Variants in SLC44A5 observed in about 807,000 individuals in gnomAD.
The protein encoded by SLC44A5 is solute carrier family 44 member 5.
In SLC44A5, 57 loss-of-function variants were observed where a neutral mutation model predicts 101.8. The ratio of observed to expected loss-of-function variants is 0.56; its 90% CI spans 0.45 to 0.70. The LOEUF is 0.70. SLC44A5 is among the 30% of genes least tolerant of loss of function. SLC44A5 has a pLI of 0.00. For missense variants in SLC44A5, 737 were observed against 853.1 expected (o/e 0.86, Z 1.70); for synonymous variants, 281 against 290.9 (o/e 0.97, Z 0.35).
chr1:75,450,307 A>G (rs1376496306), intron 2 of SLC44A5, among the ~76,000 whole-genome samples: 3 of 152,144 alleles, frequency 2.0e-5, no homozygotes, highest in African/African-American at 4.8e-5. Flanking sequence ...AGGCTTCCTG[A>G]TACTGTGAGG....
chr1:75,488,013 C>A (rs1161565596), intron 2 of SLC44A5, among the ~76,000 whole-genome samples: 1 of 151,768 alleles, frequency 6.6e-6, no homozygotes, highest in Non-Finnish European at 1.5e-5. Context: ...ACTGCACATG[C>A]AGGGGATCTA....
chr1:75,657,730 T>G, the SLC44A5 span, among the ~76,000 whole-genome samples: 2 of 152,036 alleles, frequency 1.3e-5, no homozygotes, highest in Admixed American at 6.6e-5. Flanking sequence ...ATATAAAAAT[T>G]ATAAATATAT....
intron 17 of SLC44A5, 85 bp downstream of exon 17, chr1:75,218,405 C>A: frequency 6.6e-7 from 1 of 1,506,122 alleles, no homozygotes; most frequent in South Asian, 1.2e-5. Flanking sequence ...TGTACCTTGC[C>A]ACTTGAATTA....
chr1:75,383,989 T>C (rs1308189881), intron 3 of SLC44A5, among the ~76,000 whole-genome samples: 2 of 151,750 alleles, frequency 1.3e-5, no homozygotes, highest in East Asian at 3.9e-4. Flanking sequence ...TAAAATACTT[T>C]ACAGACAAGC....
At chr1:75,330,124 C>CAT (rs1656913100) in intron 4 of SLC44A5, among the ~76,000 whole-genome samples, 1 of 146,276 alleles carries the variant, frequency 6.8e-6, no homozygotes, top group African/African-American at 2.6e-5. Flanking sequence ...CACACACACA[C>CAT]ACACACACAC....
intron 4 of SLC44A5, 136 bp downstream of exon 4, chr1:75,339,446 A>G: frequency 1.5e-6 from 1 of 663,546 alleles, no homozygotes; most frequent in Non-Finnish European, 2.6e-6. Context: ...ATAAGGTGAC[A>G]TTTAGGCAGA....
chr1:75,412,486 T>C (rs1254956007), intron 2 of SLC44A5, among the ~76,000 whole-genome samples: 3 of 152,166 alleles, frequency 2.0e-5, no homozygotes, highest in Non-Finnish European at 2.9e-5. Context: ...CTTTATTAAA[T>C]AAAATTTGCA....
intron 13 of SLC44A5, among the ~76,000 whole-genome samples, chr1:75,227,149 G>C (rs1647217041): frequency 1.3e-5 from 2 of 152,080 alleles, no homozygotes; most frequent in South Asian, 4.1e-4. Flanking sequence ...AGGATCACTT[G>C]AGCCCAGAAA....
At chr1:75,691,798 G>C in the SLC44A5 span, among the ~76,000 whole-genome samples, 1 of 152,196 alleles carries the variant, frequency 6.6e-6, no homozygotes, top group Non-Finnish European at 1.5e-5. Context: ...ATGGCAGAGA[G>C]AGAAAGATCT....
At chr1:75,591,282 A>G (rs1183025877) in intron 1 of SLC44A5, among the ~76,000 whole-genome samples, 1 of 152,198 alleles carries the variant, frequency 6.6e-6, no homozygotes, top group African/African-American at 2.4e-5. Flanking sequence ...GACAAGAAGG[A>G]AGAAAACACC....
chr1:75,459,727 T>A (rs1428943481), intron 2 of SLC44A5, among the ~76,000 whole-genome samples: 1 of 152,214 alleles, frequency 6.6e-6, no homozygotes. Context: ...TCATGGCATG[T>A]AATGCAGGCC....
intron 1 of SLC44A5, among the ~76,000 whole-genome samples, chr1:75,566,234 T>G (rs191223217): frequency 4.4e-4 from 67 of 152,272 alleles, no homozygotes; most frequent in African/African-American, 1.6e-3. Context: ...CTATTTATGA[T>G]AAAAATACAC....
intron 2 of SLC44A5, among the ~76,000 whole-genome samples, chr1:75,451,893 AAAG>A (rs1307137141): frequency 1.3e-5 from 2 of 152,204 alleles, no homozygotes; most frequent in Admixed American, 6.5e-5. Context: ...GGCATTCCAG[AAAG>A]AAGGAGAAAA....
At chr1:75,458,978 A>G (rs1400067377) in intron 2 of SLC44A5, among the ~76,000 whole-genome samples, 1 of 152,182 alleles carries the variant, frequency 6.6e-6, no homozygotes, top group Non-Finnish European at 1.5e-5. Flanking sequence ...AAAGAGGTTC[A>G]AGTAAGAGAT....
intron 3 of SLC44A5, among the ~76,000 whole-genome samples, chr1:75,367,770 C>G (rs542108252): frequency 6.6e-6 from 1 of 152,326 alleles, no homozygotes; most frequent in African/African-American, 2.4e-5. Context: ...CACCTGGGCA[C>G]AGGCCTGCCT....
the SLC44A5 span, among the ~76,000 whole-genome samples, chr1:75,692,946 T>C: frequency 3.9e-5 from 6 of 151,944 alleles, no homozygotes; most frequent in South Asian, 2.1e-4. Context: ...CAGCTGAGAA[T>C]AGTGAAGGAA....
intron 3 of SLC44A5, among the ~76,000 whole-genome samples, chr1:75,380,333 T>C (rs1393275203): frequency 1.2e-5 from 1 of 85,422 alleles, no homozygotes; most frequent in Non-Finnish European, 2.0e-5. Context: ...CTAAAAGGAG[T>C]TCAAATTCAT....
intron 2 of SLC44A5, among the ~76,000 whole-genome samples, chr1:75,419,863 G>A (rs1663894116): frequency 6.6e-6 from 1 of 152,068 alleles, no homozygotes; most frequent in Admixed American, 6.6e-5. Context: ...ACATGGAGTG[G>A]TATAATATTA....
At position 75,203,609 on chromosome 1, in the gene SLC44A5, C is replaced by T; in HGVS notation, c.*118G>A. 1 of 1,248,160 alleles carries T rather than the reference C, an allele frequency of 8.0e-7. No individual in the cohort carries two copies. The allele number at this position is 1,248,160 out of a possible 1,614,324, so 77.3% of individuals were successfully genotyped here. On this transcript the variant is annotated 3_prime_UTR_variant, in exon 24 of 24. Coordinates refer to ENST00000370859, the MANE Select transcript of SLC44A5 (RefSeq NM_001130058.2). ...TTGGTATAAAACATGCAAATGCAAG[C>T]CAACAAGGTCGTGAATACAGTGTTG...
Sources: allele counts gnomAD v4.1 joint callset (sites outside exome capture counted in the v4.1 genomes callset), GRCh38; gene constraint gnomAD v4.1.1; transcripts MANE v1.5; gene names NCBI Gene and HGNC (gene_info 2026-07-23, HGNC 2026-07-21).